Variants in LRP4 observed in about 807,000 individuals in gnomAD.
LRP4 encodes low-density lipoprotein receptor-related protein 4.
LRP4 carries 95 observed loss-of-function variants against 220.3 expected under a neutral mutation model. The observed-to-expected ratio is 0.43, with a 90% CI of 0.37 to 0.51. The LOEUF (loss-of-function observed/expected upper bound fraction) is 0.51. Among genes scored for constraint, LRP4 ranks in the 20% least tolerant of loss-of-function variants. The pLI is 0.00. For missense variants in LRP4, 1,925 were observed against 2,567.0 expected, an observed-to-expected ratio of 0.75 and a Z score of 5.40; for synonymous variants, 903 against 954.6, an observed-to-expected ratio of 0.95 and a Z score of 1.00.
In LRP4 at chr11:46,902,709, C is replaced by T. The variant is rs1941689874; in HGVS notation, c.199+74G>A. On this transcript the variant is annotated intron_variant, in intron 2 of 37. Coordinates refer to ENST00000378623, the MANE Select transcript of LRP4 (RefSeq NM_002334.4). Reference sequence around the variant, plus strand: ...GACACAGTTGATGCAGAAAATACTCCATCAGCCTTGTCCTTGCCCCCCACC... The same window carrying T: ...GACACAGTTGATGCAGAAAATACTCTATCAGCCTTGTCCTTGCCCCCCACC... 8 of 1,553,956 alleles carry T rather than the reference C, an allele frequency of 5.1e-6. No homozygotes were observed. In the South Asian group the frequency reaches 8.9e-5, roughly 17 times the overall value.
Position 46,858,953 on chromosome 11 carries a change from A to C in LRP4, c.*30T>G. On this transcript the variant is annotated 3_prime_UTR_variant, in exon 38 of 38. Coordinates refer to ENST00000378623, the MANE Select transcript of LRP4 (RefSeq NM_002334.4). ...ACTAGACGTCCATAAAGGAGAAGGA[A>C]CAGGCAGGCAGGGAAGAGAATGTGG... 6.2e-7 allele frequency: 1 copy of C among 1,603,040 alleles called. No individual in the cohort carries two copies. Among genetic ancestry groups the C allele is most frequent in the Non-Finnish European group, 8.5e-7 (1 of 1,170,874 alleles).
chr11:46,907,870 A>C (rs1047392916), intron 1 of LRP4, among the ~76,000 whole-genome samples: 8 of 152,238 alleles, frequency 5.3e-5, no homozygotes, highest in African/African-American at 1.9e-4. Flanking sequence ...GGGCTTTGTA[A>C]AGATTAACCC....
Position 46,899,016 on chromosome 11 carries a change from C to T in LRP4, c.564G>A (p.Ala188=), listed in dbSNP as rs1170697922. Residue 188 remains alanine (A), a synonymous_variant, in exon 6 of 38, where the codon GCG becomes GCA. Coordinates refer to ENST00000378623, the MANE Select transcript of LRP4 (RefSeq NM_002334.4). This position sits in a 1 kb window ranked among gnomAD's most constrained non-coding sequence, Gnocchi z 5.9. ...DEENCPSAVP[A]PPCNLEEFQC... ...GGAACTCCTCCAGGTTGCAGGGGGG[C>T]GCTGGCACTGCTGAGGCTGGAGGGA... 6.2e-6 allele frequency: 10 copies of T among 1,612,920 alleles called. No homozygotes were observed. The highest frequency in any genetic ancestry group is 1.7e-4 in the Middle Eastern group (1 of 6,058).
rs983376300 is a variant in LRP4 at position 46,892,632 on chromosome 11, C to T, written c.1697+341G>A. Among the ~76,000 whole-genome samples the T allele has an allele frequency of 1.1e-4, 17 of 149,170 alleles. No individual in the cohort carries two copies. In the South Asian group the frequency reaches 2.1e-3, roughly 19 times the overall value. ...TTTCTCCCAGGCTGGAGTGCAGTGG[C>T]GCAATCTCAGCTCACTGTAACCTGT... On this transcript the variant is annotated intron_variant, in intron 13 of 37. Coordinates refer to ENST00000378623, the MANE Select transcript of LRP4 (RefSeq NM_002334.4).
Position 46,886,329 on chromosome 11 carries a change from T to C in LRP4, c.2420A>G (p.Gln807Arg). ...CCTCCCCACGCTGGGCCCTACCTCC[T>C]GTCCTGTTCCATCCCACTTGGCCCT... ...ISRAKWDGTGQEVVVDTSLES... is the reference protein window; with the variant it reads ...ISRAKWDGTGREVVVDTSLES... Residue 807 changes from glutamine to arginine, a missense_variant, in exon 17 of 38, where the codon CAG becomes CGG. Gln to Arg is a conservative substitution (Grantham distance 43). Around this residue, in one of 3 missense-constraint regions of LRP4, gnomAD observed 1,244 missense variants for 1,624.9 expected, o/e 0.77. Coordinates refer to ENST00000378623, the MANE Select transcript of LRP4 (RefSeq NM_002334.4). 1 of 1,585,340 alleles carries C rather than the reference T, an allele frequency of 6.3e-7. No homozygotes were observed. Among genetic ancestry groups the C allele is most frequent in the Non-Finnish European group, 8.6e-7 (1 of 1,164,458 alleles).
chr11:46,886,835 G>A lies in LRP4; in HGVS notation c.2216-302C>T, dbSNP rs1941303867. 3.3e-5 allele frequency among the ~76,000 whole-genome samples: 5 copies of A among 152,044 alleles called. No individual in the cohort carries two copies. In the South Asian group the frequency reaches 1.0e-3, roughly 32 times the overall value. Reference sequence around the variant, plus strand: ...TTTCTCCACCTCTTCTGGTGTCCTGGCTTGCCCACTGCCAACCCCTGACCC... The same window carrying A: ...TTTCTCCACCTCTTCTGGTGTCCTGACTTGCCCACTGCCAACCCCTGACCC... On this transcript the variant is annotated intron_variant, in intron 16 of 37. Coordinates refer to ENST00000378623, the MANE Select transcript of LRP4 (RefSeq NM_002334.4).
chr11:46,893,880 G>A (rs370400348), intron 12 of LRP4, among the ~76,000 whole-genome samples: 26 of 151,254 alleles, frequency 1.7e-4, no homozygotes, highest in African/African-American at 5.6e-4. Flanking sequence ...GATTACAGGC[G>A]TAAGCCACCA....
chr11:46,893,043 C>T lies in LRP4; in HGVS notation c.1627G>A (p.Ala543Thr), dbSNP rs868358626. The T allele has an allele frequency of 6.2e-7, 1 of 1,614,068 alleles. No individual in the cohort carries two copies. Among genetic ancestry groups the T allele is most frequent in the African/African-American group, 1.3e-5 (1 of 75,054 alleles). The change falls in exon 13 of 38, where the codon GCC (alanine) becomes ACC (threonine). Residue 543 changes from alanine to threonine, a missense_variant. By Grantham distance (58) the Ala-to-Thr change is moderately conservative. Around this residue, in one of 3 missense-constraint regions of LRP4, gnomAD observed 269 missense variants for 436.7 expected, o/e 0.62. Coordinates refer to ENST00000378623, the MANE Select transcript of LRP4 (RefSeq NM_002334.4). Reference protein sequence around the residue: ...SRIEVANLDGAHRKVLLWQNL... With the variant: ...SRIEVANLDGTHRKVLLWQNL... ...TGCCACAGCAACACTTTCCGGTGGG[C>T]CCCATCCAGATTGGCCACCTCAATC... is the stretch of plus-strand genomic sequence containing the variant.
chr11:46,884,063 C>T, intron 18 of LRP4, 87 bp from the exon 19 acceptor site: 2 of 1,017,072 alleles, frequency 2.0e-6, no homozygotes, highest in Non-Finnish European at 1.6e-6. Flanking sequence ...CTGGTATGCG[C>T]CAGCAGAGCA....
chr11:46,900,380 T>A lies in LRP4; in HGVS notation c.200-2A>T. The A allele has an allele frequency of 6.4e-7, 1 of 1,573,142 alleles. No homozygotes were observed. The highest frequency in any genetic ancestry group is 8.8e-7 in the Non-Finnish European group (1 of 1,142,606). ...CAAGAGGGGAACAGGTAGGTAGTAC[T>A]GAATCCCAGGAAAAGAAAAGAAAAG... On this transcript the variant is annotated splice_acceptor_variant, in intron 2 of 37. Coordinates refer to ENST00000378623, the MANE Select transcript of LRP4 (RefSeq NM_002334.4). LOFTEE classifies it high-confidence loss of function.
At chr11:46,891,073 C>A (rs1414936800) in intron 13 of LRP4, among the ~76,000 whole-genome samples, 1 of 152,014 alleles carries the variant, frequency 6.6e-6, no homozygotes, top group African/African-American at 2.4e-5. Flanking sequence ...AATATTAGGA[C>A]AGGCACTTTC....
In LRP4 at chr11:46,870,092, C is replaced by T. The variant is rs531743219; in HGVS notation, c.4693-960G>A. Among the ~76,000 whole-genome samples the T allele has an allele frequency of 4.1e-5, 6 of 146,294 alleles. No homozygotes were observed. In the East Asian group the frequency reaches 6.2e-4, roughly 15 times the overall value. On this transcript the variant is annotated intron_variant, in intron 31 of 37. Transcript: ENST00000378623. ...CTGCACTCCAGCCTGGGTGACAGAG[C>T]GAGACTCCATCTCAAAAAAAAAAAA...
chr11:46,911,892 G>A (rs532785919), intron 1 of LRP4, among the ~76,000 whole-genome samples: 1 of 144,202 alleles, frequency 6.9e-6, no homozygotes, highest in African/African-American at 2.5e-5. Flanking sequence ...GCTCAGCCTG[G>A]AGTGCAGTGG....
rs199756541 is a variant in LRP4 at position 46,873,279 on chromosome 11, C to A, written c.4449-45G>T. ...TCATCATCAAGGCATGGGAAGACAG[C>A]ACCCAGAGGTTGAGAGAACACAGAG... On this transcript the variant is annotated intron_variant, in intron 29 of 37. Transcript: ENST00000378623. The surrounding 1 kb of genome is among the most constrained non-coding windows in gnomAD (Gnocchi z 4.2). 36 of 1,613,904 alleles carry A rather than the reference C, an allele frequency of 2.2e-5. No individual in the cohort carries two copies. The African/African-American group carries it at 4.8e-4, about 22-fold the overall frequency.
chr11:46,873,444 G>A lies in LRP4; in HGVS notation c.4379C>T (p.Ser1460Phe), dbSNP rs61738061. Residue 1460 changes from serine (S) to phenylalanine (F), a missense_variant, in exon 29 of 38, where the codon TCC (serine) becomes TTC (phenylalanine). Ser to Phe is a radical substitution (Grantham distance 155, BLOSUM62 -2). Coordinates refer to ENST00000378623, the MANE Select transcript of LRP4 (RefSeq NM_002334.4). The surrounding 1 kb of genome is among the most constrained non-coding windows in gnomAD (Gnocchi z 4.2). ...ATTGTTGATCAGTACTTTGCGGCAG[G>A]AACCATCCAGCCTGGACGCCTCAAT... ...NTIEASRLDG[S>F]CRKVLINNSL... 117 of 1,614,046 alleles carry A rather than the reference G, an allele frequency of 7.2e-5. No individual in the cohort carries two copies. Among genetic ancestry groups the A allele is most frequent in the Non-Finnish European group, 9.8e-5 (116 of 1,180,050 alleles).
chr11:46,890,567 G>C lies in LRP4; in HGVS notation c.1698-73C>G. On this transcript the variant is annotated intron_variant, in intron 13 of 37. Coordinates refer to ENST00000378623, the MANE Select transcript of LRP4 (RefSeq NM_002334.4). The surrounding 1 kb of genome is among the most constrained non-coding windows in gnomAD (Gnocchi z 5.3). Reference sequence around the variant, plus strand: ...GGTAACCAGGAGAATAATCAGGTAGGGCGCTTTTATCCATTTAACTCAGGG... The same window carrying C: ...GGTAACCAGGAGAATAATCAGGTAGCGCGCTTTTATCCATTTAACTCAGGG... 1 of 1,080,164 alleles carries C rather than the reference G, an allele frequency of 9.3e-7. No individual in the cohort carries two copies. The highest frequency in any genetic ancestry group is 1.3e-5 in the South Asian group (1 of 76,460). 66.9% of individuals were successfully genotyped at this position (1,080,164 alleles called of 1,614,324 possible). A position where few individuals can be genotyped will look rare whatever the true frequency, so the allele number is the denominator to read the frequency against.
chr11:46,896,904 GCA>G lies in LRP4; in HGVS notation c.885_886del (p.Ala296ArgfsTer5). The G allele has an allele frequency of 6.2e-7, 1 of 1,614,182 alleles. No individual in the cohort carries two copies. Among genetic ancestry groups the G allele is most frequent in the Non-Finnish European group, 8.5e-7 (1 of 1,180,004 alleles). On this transcript the variant is annotated frameshift_variant, in exon 8 of 38. Coordinates refer to ENST00000378623, the MANE Select transcript of LRP4 (RefSeq NM_002334.4). LOFTEE classifies it high-confidence loss of function. ...ACAGTTCTCTTCATCGCTGTTGTCT[GCA>G]CAGTCGTCCTCCCCATCACAGCGCC...
At position 46,868,027 on chromosome 11, in the gene LRP4, T is replaced by A. The variant is rs779082849; in HGVS notation, c.5039A>T (p.Tyr1680Phe). 6.2e-7 allele frequency: 1 copy of A among 1,614,156 alleles called. No individual in the cohort carries two copies. The highest frequency in any genetic ancestry group is 8.5e-7 in the Non-Finnish European group (1 of 1,180,022). ...VLPNTPPTTL[Y>F]SSTTRTRTSL... Reference sequence around the variant, plus strand: ...CGTGCGGGTCCGGGTGGTTGAAGAATACAAGGTGGTAGGTGGTGTGTTGGG... The same window carrying A: ...CGTGCGGGTCCGGGTGGTTGAAGAAAACAAGGTGGTAGGTGGTGTGTTGGG... Residue 1680 changes from tyrosine to phenylalanine, a missense_variant, in exon 34 of 38, where the codon TAT becomes TTT. This residue lies in a region of LRP4 where 1,244 missense variants were observed against 1,624.9 expected (regional missense o/e 0.77). Coordinates refer to ENST00000378623, the MANE Select transcript of LRP4 (RefSeq NM_002334.4).
chr11:46,911,793 A>C (rs1175291693), intron 1 of LRP4, among the ~76,000 whole-genome samples: 2 of 151,232 alleles, frequency 1.3e-5, no homozygotes, highest in African/African-American at 4.8e-5. Context: ...TATTTGTATG[A>C]CAGGAAACTG....
Sources: gnomAD v4.1 joint callset for allele counts (sites outside exome capture counted in the v4.1 genomes callset) on GRCh38, gnomAD v4.1.1 for gene constraint, gnomAD v4.1.1 regional missense constraint, Gnocchi (gnomAD v3.1) non-coding constraint, MANE v1.5 for transcripts, NCBI Gene and HGNC (gene_info 2026-07-23, HGNC 2026-07-21) for gene names.